The following ADGRB3 variants were observed in gnomAD, a reference collection of about 807,000 sequenced individuals.
ADGRB3 encodes brain-specific angiogenesis inhibitor 3.
A neutral mutation model predicts 193.4 loss-of-function variants in ADGRB3; 37 were observed. That is an observed-to-expected ratio of 0.19 (90% CI 0.15 to 0.25). The LOEUF is 0.25. Ranked by LOEUF, ADGRB3 falls within the 10% of genes least tolerant of loss-of-function variation. The probability of loss-of-function intolerance (pLI) is 1.00; values close to 1 mark genes in which losing one functional copy is unlikely to be tolerated. For missense variants in ADGRB3, 1,637 were observed against 1,852.9 expected, an observed-to-expected ratio of 0.88 and a Z score of 2.14; for synonymous variants, 690 against 644.2, an observed-to-expected ratio of 1.07 and a Z score of -1.08.
Position 68,989,461 on chromosome 6 carries a change from C to T in ADGRB3, c.1735-4307C>T, listed in dbSNP as rs1429594260. 3.3e-5 allele frequency among the ~76,000 whole-genome samples: 5 copies of T among 152,190 alleles called. 1 individual carries two copies. In the South Asian group the frequency reaches 6.2e-4, roughly 19 times the overall value. ...TGAAGACCTATACCAGGATCCATCT[C>T]GTGTCTATAGGAAAAGGATGGAGAT... is the stretch of plus-strand genomic sequence containing the variant. On this transcript the variant is annotated intron_variant, in intron 10 of 31. Transcript: ENST00000370598.
chr6:68,930,034 G>A (rs1276301968), intron 3 of ADGRB3, among the ~76,000 whole-genome samples: 1 of 149,906 alleles, frequency 6.7e-6, no homozygotes, highest in Non-Finnish European at 1.5e-5. Context: ...ATGAGCCTTT[G>A]AGAACACCAA....
intron 23 of ADGRB3, among the ~76,000 whole-genome samples, chr6:69,331,250 T>C (rs1768722159): frequency 6.6e-6 from 1 of 152,222 alleles, no homozygotes; most frequent in African/African-American, 2.4e-5. Context: ...CACAAAATAA[T>C]TGTTTAAAAT....
intron 3 of ADGRB3, among the ~76,000 whole-genome samples, chr6:68,694,838 CT>C (rs968000431): frequency 6.6e-6 from 1 of 152,038 alleles, no homozygotes; most frequent in African/African-American, 2.4e-5. Flanking sequence ...AAGCATCAGT[CT>C]TTTTAAACAC....
chr6:68,734,857 T>C (rs1378499732), intron 3 of ADGRB3, among the ~76,000 whole-genome samples: 2 of 151,954 alleles, frequency 1.3e-5, no homozygotes, highest in Admixed American at 6.6e-5. Context: ...TAATGAAAAG[T>C]AGGAGATCAG....
chr6:68,930,975 CA>C (rs1176347239), intron 4 of ADGRB3, among the ~76,000 whole-genome samples: 5 of 151,820 alleles, frequency 3.3e-5, no homozygotes, highest in African/African-American at 1.2e-4. Flanking sequence ...GTTATTTCTT[CA>C]ATAATTGATT....
At chr6:68,782,745 G>T (rs935503499) in intron 3 of ADGRB3, among the ~76,000 whole-genome samples, 2 of 152,006 alleles carry the variant, frequency 1.3e-5, no homozygotes, top group African/African-American at 2.4e-5. Context: ...ATTTTTTCAT[G>T]TGTTTTTTGG....
chr6:69,368,069 G>A (rs1020123923), intron 29 of ADGRB3, among the ~76,000 whole-genome samples: 10 of 151,628 alleles, frequency 6.6e-5, no homozygotes, highest in Middle Eastern at 3.4e-3. Flanking sequence ...TGGGTGCAGC[G>A]CACCAGCATG....
At chr6:69,061,702 A>T (rs1270751267) in intron 15 of ADGRB3, among the ~76,000 whole-genome samples, 2 of 152,160 alleles carry the variant, frequency 1.3e-5, no homozygotes, top group East Asian at 3.8e-4. Context: ...TGTACCATAC[A>T]ATATTACTCA....
intron 3 of ADGRB3, among the ~76,000 whole-genome samples, chr6:68,737,890 T>G (rs1161755860): frequency 6.6e-6 from 1 of 151,940 alleles, no homozygotes; most frequent in Non-Finnish European, 1.5e-5. Context: ...TTTATGAGAG[T>G]TCAGGGTTTA....
intron 3 of ADGRB3, among the ~76,000 whole-genome samples, chr6:68,819,289 C>T (rs762640750): frequency 6.6e-6 from 1 of 151,936 alleles, no homozygotes; most frequent in Non-Finnish European, 1.5e-5. Context: ...CTGACCATTT[C>T]TCATCGCTCT....
intron 3 of ADGRB3, among the ~76,000 whole-genome samples, chr6:68,851,605 T>G (rs1300384473): frequency 6.6e-6 from 1 of 151,840 alleles, no homozygotes; most frequent in African/African-American, 2.4e-5. Context: ...AAAATTACCC[T>G]GATCTGATCA....
chr6:68,863,485 A>G (rs1405121775), intron 3 of ADGRB3, among the ~76,000 whole-genome samples: 1 of 152,054 alleles, frequency 6.6e-6, no homozygotes, highest in Non-Finnish European at 1.5e-5. Context: ...TTAATAAATA[A>G]TTTATTAAAA....
chr6:69,137,243 G>A (rs955660783), intron 17 of ADGRB3, among the ~76,000 whole-genome samples: 4 of 151,520 alleles, frequency 2.6e-5, no homozygotes, highest in Non-Finnish European at 5.9e-5. Flanking sequence ...ATTTACTCTC[G>A]AAAAACAGTT....
intron 29 of ADGRB3, among the ~76,000 whole-genome samples, chr6:69,368,124 A>G (rs1769619977): frequency 6.6e-6 from 1 of 152,104 alleles, no homozygotes; most frequent in East Asian, 1.9e-4. Flanking sequence ...GTGCACATGT[A>G]CCCTAAAACT....
At chr6:68,751,513 CTA>C (rs1438391387) in intron 3 of ADGRB3, among the ~76,000 whole-genome samples, 3 of 152,120 alleles carry the variant, frequency 2.0e-5, no homozygotes, top group African/African-American at 7.2e-5. Flanking sequence ...AGAGAGAACT[CTA>C]TTTAAAAATT....
rs3839475 is a variant in ADGRB3, at chr6:69,219,461, G to GTATATATATATATATATA, written c.2481-13814_2481-13797dup. The stretch of plus-strand genomic sequence containing the variant: ...CTTTAACTTAAAAATACACACACAC[G>GTATATATATATATATATA]TATATATATATATATATATATATAT... On this transcript the variant is annotated intron_variant, in intron 17 of 31. Coordinates refer to ENST00000370598, the MANE Select transcript of ADGRB3 (RefSeq NM_001704.3). Among the ~76,000 whole-genome samples the GTATATATATATATATATA allele has an allele frequency of 3.0e-3, 297 of 98,840 alleles. 7 individuals are homozygous for GTATATATATATATATATA. The highest frequency in any genetic ancestry group is 7.1e-3 in the Middle Eastern group (1 of 140). 64.8% of individuals were successfully genotyped at this position (98,840 alleles called of 152,430 possible). A position where few individuals can be genotyped will look rare whatever the true frequency, so the allele number is the denominator to read the frequency against.
chr6:68,805,333 A>G (rs145586922), intron 3 of ADGRB3, among the ~76,000 whole-genome samples: 1 of 152,206 alleles, frequency 6.6e-6, no homozygotes, highest in Non-Finnish European at 1.5e-5. Context: ...ACAAAATATC[A>G]TGTGAACATT....
intron 26 of ADGRB3, among the ~76,000 whole-genome samples, chr6:69,344,968 C>A (rs368194001): frequency 6.6e-6 from 1 of 150,972 alleles, no homozygotes; most frequent in African/African-American, 2.4e-5. Flanking sequence ...AGGCATAAAG[C>A]AAATTATGTG....
intron 3 of ADGRB3, among the ~76,000 whole-genome samples, chr6:68,815,118 G>A (rs1348193814): frequency 6.6e-6 from 1 of 152,130 alleles, no homozygotes; most frequent in Non-Finnish European, 1.5e-5. Context: ...ATTCAACATC[G>A]TGTTGGGAGT....
Sources: allele counts gnomAD v4.1 joint callset (sites outside exome capture counted in the v4.1 genomes callset), GRCh38; gene constraint gnomAD v4.1.1; transcripts MANE v1.5; gene names NCBI Gene and HGNC (gene_info 2026-07-23, HGNC 2026-07-21).